FAM120A: variants seen among roughly 807,000 people sequenced by gnomAD.
The protein encoded by FAM120A is family with sequence similarity 120 member A.
In FAM120A, 15 loss-of-function variants were observed where a neutral mutation model predicts 109.7. That is an observed-to-expected ratio of 0.14 (90% CI 0.09 to 0.21). The LOEUF is 0.21. Ranked by LOEUF, FAM120A falls within the 10% of genes least tolerant of loss-of-function variation. The pLI, the probability that FAM120A is intolerant of heterozygous loss-of-function variation, is 1.00. For synonymous variants in FAM120A, 493 were observed against 572.8 expected (o/e 0.86, Z 1.99); for missense variants, 899 against 1,439.3 (o/e 0.62, Z 6.07).
chr9:93,466,987 A>G lies in FAM120A; in HGVS notation c.475-4154A>G, dbSNP rs190725179. 2.6e-4 allele frequency among the ~76,000 whole-genome samples: 40 copies of G among 152,024 alleles called. 1 individual carries two copies. Among genetic ancestry groups the G allele is most frequent in the Admixed American group, 2.5e-3 (38 of 15,278 alleles). On this transcript the variant is annotated intron_variant, in intron 1 of 17. Coordinates refer to ENST00000277165, the MANE Select transcript of FAM120A (RefSeq NM_014612.5). ...GTACTCAGGCAGTTCCTTTTCCCCAACCAGTTTCAGTGAGGCTATTTCATA... is the reference window on the plus strand; with the variant it reads ...GTACTCAGGCAGTTCCTTTTCCCCAGCCAGTTTCAGTGAGGCTATTTCATA...
intron 11 of FAM120A, among the ~76,000 whole-genome samples, chr9:93,547,347 G>A (rs564568186): frequency 2.0e-5 from 3 of 152,328 alleles, no homozygotes; most frequent in East Asian, 3.9e-4. Context: ...CAATGCTGGC[G>A]CCGTCAGTGT....
intron 5 of FAM120A, among the ~76,000 whole-genome samples, chr9:93,507,994 A>G (rs1222997163): frequency 6.6e-6 from 1 of 152,128 alleles, no homozygotes; most frequent in Admixed American, 6.5e-5. Flanking sequence ...GGGGATGATG[A>G]CTACTGAGAG....
chr9:93,453,688 G>T, intron 1 of FAM120A: 1 of 933,620 alleles, frequency 1.1e-6, no homozygotes, highest in Non-Finnish European at 1.3e-6. Flanking sequence ...CCTGCGCCTG[G>T]CAGACACACA....
intron 14 of FAM120A, 64 bp downstream of exon 14, chr9:93,558,074 C>A: frequency 6.9e-7 from 1 of 1,441,200 alleles, no homozygotes; most frequent in Non-Finnish European, 9.2e-7. Context: ...GAAAGTGCAG[C>A]CCTTATAGGC....
rs1464128092 is a variant in FAM120A, at chr9:93,451,760, TGGCGGCCGC to T, written c.-148_-140del. On this transcript the variant is annotated 5_prime_UTR_variant, in exon 1 of 18. Transcript: ENST00000277165. The stretch of plus-strand genomic sequence containing the variant: ...CATGGCCCTGGGAGGCGGCAGCACA[TGGCGGCCGC>T]GGCGGCCATGAGCGCGCCCCCGACC... 1 of 972,206 alleles carries T rather than the reference TGGCGGCCGC, an allele frequency of 1.0e-6. No individual in the cohort carries two copies. Among genetic ancestry groups the T allele is most frequent in the Non-Finnish European group, 1.2e-6 (1 of 826,920 alleles). The allele number at this position is 972,206 out of a possible 1,614,324, so 60.2% of individuals were successfully genotyped here.
chr9:93,512,451 A>G (rs1371874489), intron 5 of FAM120A, among the ~76,000 whole-genome samples: 2 of 152,166 alleles, frequency 1.3e-5, no homozygotes, highest in Non-Finnish European at 2.9e-5. Context: ...TTTAAAAACT[A>G]TTTTTAAAGT....
intron 1 of FAM120A, among the ~76,000 whole-genome samples, chr9:93,454,685 C>A (rs139166679): frequency 6.6e-6 from 1 of 152,212 alleles, no homozygotes; most frequent in South Asian, 2.1e-4. Flanking sequence ...ACCCTATGTA[C>A]TTCCTTGGTC....
chr9:93,509,509 G>T (rs1860217726), intron 5 of FAM120A, among the ~76,000 whole-genome samples: 1 of 152,220 alleles, frequency 6.6e-6, no homozygotes, highest in African/African-American at 2.4e-5. Context: ...TCAAGAACGT[G>T]TTTAGTTTTT....
intron 12 of FAM120A, among the ~76,000 whole-genome samples, chr9:93,555,312 G>A (rs1191957607): frequency 6.6e-6 from 1 of 152,116 alleles, no homozygotes; most frequent in Admixed American, 6.5e-5. Context: ...AAGGTCAACT[G>A]TATTGTGAAA....
chr9:93,492,060 C>T (rs1859345088), intron 3 of FAM120A, among the ~76,000 whole-genome samples: 1 of 152,108 alleles, frequency 6.6e-6, no homozygotes, highest in Non-Finnish European at 1.5e-5. Flanking sequence ...GAAAGTTTAG[C>T]AACACTGCTG....
At chr9:93,508,425 G>A (rs562412157) in intron 5 of FAM120A, among the ~76,000 whole-genome samples, 3 of 152,266 alleles carry the variant, frequency 2.0e-5, no homozygotes, top group African/African-American at 7.2e-5. Context: ...CCCAAGGCTG[G>A]TCACATTCTA....
chr9:93,499,401 C>T (rs998709641), intron 5 of FAM120A, among the ~76,000 whole-genome samples: 1 of 152,012 alleles, frequency 6.6e-6, no homozygotes, highest in Non-Finnish European at 1.5e-5. Flanking sequence ...GATTTTTGTG[C>T]CCCAGCCTCC....
At chr9:93,453,877 A>G (rs1234762820) in intron 1 of FAM120A, among the ~76,000 whole-genome samples, 1 of 152,248 alleles carries the variant, frequency 6.6e-6, no homozygotes, top group African/African-American at 2.4e-5. Context: ...AAGACTACTT[A>G]AAAGACAGGA....
At chr9:93,555,957 G>C (rs904844902) in intron 12 of FAM120A, among the ~76,000 whole-genome samples, 2 of 152,108 alleles carry the variant, frequency 1.3e-5, no homozygotes, top group African/African-American at 2.4e-5. Context: ...TTAATAGAGT[G>C]TTCAGTTTTG....
At chr9:93,471,434 A>T (rs757754518) in intron 2 of FAM120A, 47 bp downstream of exon 2, 4 of 1,604,184 alleles carry the variant, frequency 2.5e-6, no homozygotes, top group Non-Finnish European at 3.4e-6. Context: ...TGACCATATG[A>T]TAAGCACATT....
At chr9:93,483,711 T>C (rs1362926574) in intron 3 of FAM120A, among the ~76,000 whole-genome samples, 2 of 152,144 alleles carry the variant, frequency 1.3e-5, no homozygotes, top group African/African-American at 4.8e-5. Context: ...GTGCTCATCA[T>C]TGTCACCATC....
chr9:93,453,429 T>G (rs1857382298), intron 1 of FAM120A: 3 of 985,444 alleles, frequency 3.0e-6, no homozygotes, highest in Non-Finnish European at 3.6e-6. Flanking sequence ...TGAAAACAAA[T>G]TTTGGGGGCC....
At position 93,452,348 on chromosome 9, in the gene FAM120A, G is replaced by T; in HGVS notation, c.433G>T (p.Ala145Ser). The T allele has an allele frequency of 6.2e-7, 1 of 1,612,630 alleles. No homozygotes were observed. ...CTGGTTCCTGCCGCCCGTCTGCATG[G>T]CCCACTGCATCCGCCTGGCGCTCAT... ...KVWFLPPVCM[A>S]HCIRLALIRF... Residue 145 changes from alanine (A) to serine (S), a missense_variant, in exon 1 of 18, where the codon GCC (alanine) becomes TCC (serine). Physicochemically the swap from Ala to Ser is moderately conservative, Grantham distance 99. Around this residue, in one of 11 missense-constraint regions of FAM120A, gnomAD observed 258 missense variants for 451.4 expected, o/e 0.57. Coordinates refer to ENST00000277165, the MANE Select transcript of FAM120A (RefSeq NM_014612.5). The surrounding 1 kb of genome is among the most constrained non-coding windows in gnomAD (Gnocchi z 7.0).
At chr9:93,523,220 T>A (rs1326347979) in intron 7 of FAM120A, 1 of 834,992 alleles carries the variant, frequency 1.2e-6, no homozygotes, top group Admixed American at 2.7e-5. Context: ...CCAGGAAGTT[T>A]GTGCCTGATG....
Sources: gnomAD v4.1 joint callset for allele counts (sites outside exome capture counted in the v4.1 genomes callset) on GRCh38, gnomAD v4.1.1 for gene constraint, gnomAD v4.1.1 regional missense constraint, Gnocchi (gnomAD v3.1) non-coding constraint, MANE v1.5 for transcripts, NCBI Gene and HGNC (gene_info 2026-07-23, HGNC 2026-07-21) for gene names.